DROSHA: variants seen among roughly 807,000 people sequenced by gnomAD.
DROSHA encodes drosha ribonuclease III, also known as ribonuclease 3.
In DROSHA, 56 loss-of-function variants were observed where a neutral mutation model predicts 181.9. The observed-to-expected ratio is 0.31, with a 90% confidence interval of 0.25 to 0.38. The LOEUF (loss-of-function observed/expected upper bound fraction) is 0.38. DROSHA is among the 10% of genes least tolerant of loss of function. The pLI is 1.00. For missense variants in DROSHA, 1,218 were observed against 1,743.5 expected, an observed-to-expected ratio of 0.70 and a Z score of 5.37; for synonymous variants, 524 against 591.2, an observed-to-expected ratio of 0.89 and a Z score of 1.65.
intron 29 of DROSHA, 109 bp downstream of exon 29, chr5:31,422,678 C>T: frequency 1.4e-6 from 2 of 1,398,208 alleles, no homozygotes; most frequent in Non-Finnish European, 9.8e-7. Context: ...ATGTGACTTT[C>T]CTGGAAATAT....
At chr5:31,508,401 A>G (rs891635567) in intron 10 of DROSHA, among the ~76,000 whole-genome samples, 5 of 152,176 alleles carry the variant, frequency 3.3e-5, no homozygotes, top group African/African-American at 1.2e-4. Flanking sequence ...TCTCCCCAAC[A>G]TGGAATTTAC....
At chr5:31,427,941 T>A (rs541939696) in intron 27 of DROSHA, among the ~76,000 whole-genome samples, 10 of 152,216 alleles carry the variant, frequency 6.6e-5, no homozygotes, top group Non-Finnish European at 1.5e-4. Flanking sequence ...GTGAGCCTTA[T>A]GCAGTTTCAC....
chr5:31,516,531 T>C (rs1739290622), intron 6 of DROSHA, among the ~76,000 whole-genome samples: 1 of 152,172 alleles, frequency 6.6e-6, no homozygotes, highest in Non-Finnish European at 1.5e-5. Flanking sequence ...TATGTATACT[T>C]TGGGAGGATT....
rs116531424 is a variant in DROSHA, at chr5:31,484,098, G to A, written c.1997-470C>T. Among the ~76,000 whole-genome samples, 1,029 of 152,156 alleles carry A rather than the reference G, an allele frequency of 6.8e-3. 13 individuals are homozygous for A. The highest frequency in any genetic ancestry group is 0.024 in the African/African-American group (981 of 41,502). On this transcript the variant is annotated intron_variant, in intron 15 of 35. Coordinates refer to ENST00000344624, the MANE Select transcript of DROSHA (RefSeq NM_001382508.1). ...ATACGGATACTTCCAACCGCTGGGC[G>A]CAGTGGCTCACGCCTGTAATCCCAG...
At chr5:31,436,741 A>AACACACACACAC (rs58046266) in intron 24 of DROSHA, among the ~76,000 whole-genome samples, 2 of 137,698 alleles carry the variant, frequency 1.5e-5, no homozygotes, top group Admixed American at 7.3e-5. Flanking sequence ...TCTGGAGAGA[A>AACACACACACAC]ACACACACAC....
rs184671056 is a variant in DROSHA at position 31,520,200 on chromosome 5, C to T, written c.947+923G>A. On this transcript the variant is annotated intron_variant, in intron 6 of 35. Coordinates refer to ENST00000344624, the MANE Select transcript of DROSHA (RefSeq NM_001382508.1). ...TGTTTTCTTAGAAATCAACCCATCA[C>T]ATTCAAGTTAATTTTTTAAACGGTT... Among the ~76,000 whole-genome samples, 6 of 152,204 alleles carry T rather than the reference C, an allele frequency of 3.9e-5. No individual in the cohort carries two copies. The East Asian group carries it at 1.2e-3, about 29-fold the overall frequency.
intron 16 of DROSHA, among the ~76,000 whole-genome samples, chr5:31,478,201 T>G (rs1750626839): frequency 6.6e-6 from 1 of 152,208 alleles, no homozygotes; most frequent in African/African-American, 2.4e-5. Flanking sequence ...TCAGATGGAC[T>G]AAACCAGGAA....
At position 31,400,510 on chromosome 5, in the gene DROSHA, G is replaced by GT. The variant is rs1228521620; in HGVS notation, c.*921dup. The GT allele has an allele frequency of 6.6e-6, 1 of 152,194 alleles. No individual in the cohort carries two copies. Among genetic ancestry groups the GT allele is most frequent in the African/African-American group, 2.4e-5 (1 of 41,456 alleles). The allele number at this position is 152,194 out of a possible 1,614,324, so 9.4% of individuals were successfully genotyped here. The stretch of plus-strand genomic sequence containing the variant: ...TGAAACAGATTTGTTTTACAAAGAA[G>GT]TTTTGCCTTTATTAATAAGAAACCA... On this transcript the variant is annotated 3_prime_UTR_variant, in exon 36 of 36. Coordinates refer to ENST00000344624, the MANE Select transcript of DROSHA (RefSeq NM_001382508.1).
chr5:31,473,007 C>T (rs1749921704), intron 16 of DROSHA, among the ~76,000 whole-genome samples: 2 of 152,234 alleles, frequency 1.3e-5, no homozygotes, highest in African/African-American at 4.8e-5. Context: ...TTGGACTTAA[C>T]TTCTGGACCA....
chr5:31,449,026 T>C (rs1017002091), intron 22 of DROSHA, among the ~76,000 whole-genome samples: 3 of 151,938 alleles, frequency 2.0e-5, no homozygotes, highest in South Asian at 2.1e-4. Context: ...TCCCAGCTAT[T>C]TGGGAGGCTA....
intron 10 of DROSHA, 24 bp from the exon 11 acceptor site, chr5:31,504,659 G>A (rs370208743): frequency 3.4e-4 from 556 of 1,612,752 alleles, no homozygotes; most frequent in Non-Finnish European, 4.3e-4. Context: ...AATGTAATTC[G>A]TTTTTATTGG....
At chr5:31,478,408 T>C (rs559048016) in intron 16 of DROSHA, among the ~76,000 whole-genome samples, 2 of 152,374 alleles carry the variant, frequency 1.3e-5, no homozygotes, top group Admixed American at 6.5e-5. Context: ...CCATGGGCTG[T>C]GGGTTGGACA....
At position 31,409,158 on chromosome 5, in the gene DROSHA, T is replaced by C; in HGVS notation, c.3752A>G (p.Glu1251Gly). The C allele has an allele frequency of 6.2e-7, 1 of 1,613,672 alleles. No homozygotes were observed. The highest frequency in any genetic ancestry group is 8.5e-7 in the Non-Finnish European group (1 of 1,179,778). The change falls in exon 33 of 36, where the codon GAG (glutamate) becomes GGG (glycine). Residue 1251 changes from glutamate (E) to glycine (G), a missense_variant and splice_region_variant. Glu to Gly is a moderately conservative substitution (Grantham distance 98). This residue lies in a region of DROSHA where 48 missense variants were observed against 124.9 expected (regional missense o/e 0.38). Transcript: ENST00000344624. The surrounding 1 kb of genome is among the most constrained non-coding windows in gnomAD (Gnocchi z 4.0). ...MNVCFFPRLK[E>G]FILNQDWNDP... ...ATTCCAATCCTGATTCAAAATGAAC[T>C]CCTGTGGAAGTCCCCCAAAACTATT...
chr5:31,458,381 G>A (rs1444280021), intron 20 of DROSHA, among the ~76,000 whole-genome samples: 3 of 152,188 alleles, frequency 2.0e-5, no homozygotes, highest in Admixed American at 1.3e-4. Context: ...TAAATCAAAT[G>A]AGTAATTTTT....
chr5:31,508,564 C>T (rs1270857316), intron 10 of DROSHA, 57 bp downstream of exon 10: 2 of 1,608,734 alleles, frequency 1.2e-6, no homozygotes, highest in African/African-American at 2.7e-5. Context: ...GAGCCCAGAG[C>T]AATAACCGTT....
At position 31,503,605 on chromosome 5, in the gene DROSHA, C is replaced by A. The variant is rs116425093; in HGVS notation, c.1668+950G>T. 4.5e-3 allele frequency among the ~76,000 whole-genome samples: 683 copies of A among 152,264 alleles called. 7 individuals are homozygous for A. Among genetic ancestry groups the A allele is most frequent in the African/African-American group, 0.016 (648 of 41,542 alleles). ...AGAGATGGGGTTATGACAGCCATTCCAGCACAACACACAAAAATTCTGACA... is the reference window on the plus strand; with the variant it reads ...AGAGATGGGGTTATGACAGCCATTCAAGCACAACACACAAAAATTCTGACA... On this transcript the variant is annotated intron_variant, in intron 11 of 35. Transcript: ENST00000344624.
intron 6 of DROSHA, among the ~76,000 whole-genome samples, chr5:31,516,007 G>A (rs192703685): frequency 1.1e-4 from 16 of 152,332 alleles, no homozygotes; most frequent in South Asian, 2.1e-4. Context: ...TGTAATCCCA[G>A]CACTTTGGAA....
At chr5:31,428,098 A>C (rs1203783874) in intron 27 of DROSHA, among the ~76,000 whole-genome samples, 6 of 152,236 alleles carry the variant, frequency 3.9e-5, no homozygotes, top group Admixed American at 3.3e-4. Flanking sequence ...TGCACTAGGT[A>C]CTGGAAACAC....
intron 11 of DROSHA, among the ~76,000 whole-genome samples, chr5:31,498,921 G>A (rs574840731): frequency 2.6e-5 from 4 of 152,074 alleles, no homozygotes; most frequent in Non-Finnish European, 5.9e-5. Context: ...GACAGCATCA[G>A]TTGTGATGGC....
Sources: gnomAD v4.1 joint callset for allele counts (sites outside exome capture counted in the v4.1 genomes callset) on GRCh38, gnomAD v4.1.1 for gene constraint, gnomAD v4.1.1 regional missense constraint, Gnocchi (gnomAD v3.1) non-coding constraint, MANE v1.5 for transcripts, NCBI Gene and HGNC (gene_info 2026-07-23, HGNC 2026-07-21) for gene names.